The following PAK4 variants were observed in gnomAD, a reference collection of about 807,000 sequenced individuals.
The protein encoded by PAK4 is p21 (RAC1) activated kinase 4.
In PAK4, 49 loss-of-function variants were observed where a neutral mutation model predicts 53.5. That is an observed-to-expected ratio of 0.92 (90% CI 0.73 to 1.16). PAK4 has a LOEUF of 1.16. Ranked by LOEUF, PAK4 falls within the 50% of genes most tolerant of loss-of-function variation. The pLI, the probability that PAK4 is intolerant of heterozygous loss-of-function variation, is 0.00. For missense variants in PAK4, 824 were observed against 850.7 expected (o/e 0.97, Z 0.39); for synonymous variants, 376 against 375.6 (o/e 1.00, Z -0.01).
chr19:39,138,005 A>G (rs544234981), intron 1 of PAK4, among the ~76,000 whole-genome samples: 69 of 142,844 alleles, frequency 4.8e-4, no homozygotes, highest in African/African-American at 1.7e-3. Flanking sequence ...TTTTTGAGAC[A>G]GGGTCTTGCT....
intron 1 of PAK4, among the ~76,000 whole-genome samples, chr19:39,131,935 T>G (rs935930648): frequency 6.6e-6 from 1 of 152,188 alleles, no homozygotes; most frequent in African/African-American, 2.4e-5. Context: ...AGATCATGTG[T>G]GTGCGTCGTG....
In PAK4 at chr19:39,178,738, C is replaced by G. The variant is rs1353936621; in HGVS notation, c.*159C>G. 1.7e-6 allele frequency: 1 copy of G among 591,670 alleles called. No individual in the cohort carries two copies. The highest frequency in any genetic ancestry group is 2.9e-6 in the Non-Finnish European group (1 of 349,438). The allele number at this position is 591,670 out of a possible 1,614,324, so 36.7% of individuals were successfully genotyped here. A position where few individuals can be genotyped will look rare whatever the true frequency, so the allele number is the denominator to read the frequency against. On this transcript the variant is annotated 3_prime_UTR_variant, in exon 9 of 9. Coordinates refer to ENST00000358301, the Ensembl canonical transcript of PAK4. The surrounding 1 kb of genome is among the most constrained non-coding windows in gnomAD (Gnocchi z 4.4). ...GTAGATGAGACCCTACTACTGAACTCCAGTTTTGATCTCGTGACTTTTAGA... is the reference window on the plus strand; with the variant it reads ...GTAGATGAGACCCTACTACTGAACTGCAGTTTTGATCTCGTGACTTTTAGA...
chr19:39,176,458 G>C, intron 6 of PAK4, 132 bp from the exon 8 acceptor site: 1 of 1,248,470 alleles, frequency 8.0e-7, no homozygotes, highest in South Asian at 1.3e-5. Flanking sequence ...CCCCAGCTCT[G>C]ACCCTAGACC....
chr19:39,169,329 C>T (rs1057289842), intron 1 of PAK4, among the ~76,000 whole-genome samples: 2 of 152,026 alleles, frequency 1.3e-5, no homozygotes, highest in African/African-American at 2.4e-5. Flanking sequence ...AGCAGAGGGA[C>T]GTGACCGCTC....
intron 1 of PAK4, among the ~76,000 whole-genome samples, chr19:39,158,157 A>G (rs547097493): frequency 3.4e-5 from 5 of 148,724 alleles, no homozygotes; most frequent in African/African-American, 1.3e-4. Flanking sequence ...GTGTGTGCAC[A>G]TGTGTGCATG....
At chr19:39,126,776 T>C (rs926787715) in intron 1 of PAK4, among the ~76,000 whole-genome samples, 1 of 151,790 alleles carries the variant, frequency 6.6e-6, no homozygotes, top group Non-Finnish European at 1.5e-5. Flanking sequence ...GCTCACACTG[T>C]GCTCCACGCC....
At chr19:39,165,556 T>TAAATAAATAAAAAA in intron 1 of PAK4, among the ~76,000 whole-genome samples, 1 of 124,088 alleles carries the variant, frequency 8.1e-6, no homozygotes, top group East Asian at 2.8e-4. Flanking sequence ...ATAAATAAAA[T>TAAATAAATAAAAAA]AATAATAGAC....
chr19:39,160,929 G>A (rs1257022811), intron 1 of PAK4, among the ~76,000 whole-genome samples: 1 of 152,244 alleles, frequency 6.6e-6, no homozygotes, highest in Non-Finnish European at 1.5e-5. Context: ...GGACCACTGG[G>A]GAACAGGAGG....
intron 1 of PAK4, among the ~76,000 whole-genome samples, chr19:39,160,831 G>T (rs2074272429): frequency 1.3e-5 from 2 of 152,374 alleles, no homozygotes; most frequent in Admixed American, 1.3e-4. Context: ...TCTTGGTCTG[G>T]TCATTGTCAG....
chr19:39,133,743 G>T (rs2073757284), intron 1 of PAK4, among the ~76,000 whole-genome samples: 1 of 152,094 alleles, frequency 6.6e-6, no homozygotes, highest in South Asian at 2.1e-4. Flanking sequence ...CCCTGCTCCT[G>T]CCACCTGTCC....
At chr19:39,165,632 G>A (rs937908645) in intron 1 of PAK4, among the ~76,000 whole-genome samples, 1 of 152,224 alleles carries the variant, frequency 6.6e-6, no homozygotes, top group Non-Finnish European at 1.5e-5. Context: ...CCAGCCTTCA[G>A]TGCCTTCCAT....
At chr19:39,174,707 G>A (rs2074565963) in intron 4 of PAK4, among the ~76,000 whole-genome samples, 2 of 152,200 alleles carry the variant, frequency 1.3e-5, no homozygotes, top group East Asian at 3.9e-4. Flanking sequence ...ACTGACCTGA[G>A]ATGGGCGTGT....
intron 1 of PAK4, among the ~76,000 whole-genome samples, chr19:39,154,763 C>T (rs1471610516): frequency 6.6e-6 from 1 of 152,168 alleles, no homozygotes; most frequent in African/African-American, 2.4e-5. Context: ...AGCTGCCCCA[C>T]GTGGCTCCTC....
chr19:39,152,617 C>T (rs2074111159), intron 1 of PAK4, among the ~76,000 whole-genome samples: 1 of 152,166 alleles, frequency 6.6e-6, no homozygotes, highest in Non-Finnish European at 1.5e-5. Context: ...AGAATTTGTG[C>T]TGGGTTTACT....
chr19:39,164,185 G>C (rs1320378768), intron 1 of PAK4, among the ~76,000 whole-genome samples: 1 of 150,984 alleles, frequency 6.6e-6, no homozygotes, highest in Middle Eastern at 3.2e-3. Flanking sequence ...GCTGAGGCAG[G>C]AGAAGCACAT....
In PAK4 at chr19:39,178,530, G is replaced by A; in HGVS notation, c.1727G>A (p.Gly576Glu). 1 of 1,611,112 alleles carries A rather than the reference G, an allele frequency of 6.2e-7. No homozygotes were observed. The highest frequency in any genetic ancestry group is 8.5e-7 in the Non-Finnish European group (1 of 1,179,108). ...AAGCACCCATTCCTGGCCAAGGCAGGGCCGCCTGCCAGCATCGTGCCCCTC... is the reference window on the plus strand; with the variant it reads ...AAGCACCCATTCCTGGCCAAGGCAGAGCCGCCTGCCAGCATCGTGCCCCTC... The change falls in exon 9 of 9, where the codon GGG becomes GAG. Residue 576 changes from glycine to glutamate, a missense_variant. This residue lies in a region of PAK4 where 346 missense variants were observed against 415.0 expected (regional missense o/e 0.83). Coordinates refer to ENST00000358301, the Ensembl canonical transcript of PAK4. This position sits in a 1 kb window ranked among gnomAD's most constrained non-coding sequence, Gnocchi z 4.4.
chr19:39,177,887 G>A, intron 8 of PAK4, 78 bp downstream of exon 9: 2 of 1,498,202 alleles, frequency 1.3e-6, no homozygotes, highest in Admixed American at 2.0e-5. Context: ...GGGTGTGGAT[G>A]GGATGGGGAC....
chr19:39,156,127 A>G (rs1334439870), intron 1 of PAK4, among the ~76,000 whole-genome samples: 1 of 152,068 alleles, frequency 6.6e-6, no homozygotes, highest in East Asian at 1.9e-4. Flanking sequence ...CGGTCAGGCT[A>G]AGTCTCAGAT....
At chr19:39,127,389 C>T (rs550940352) in intron 1 of PAK4, among the ~76,000 whole-genome samples, 18 of 152,186 alleles carry the variant, frequency 1.2e-4, no homozygotes, top group African/African-American at 2.6e-4. Flanking sequence ...CTCTCACTGA[C>T]GGGTCGCTCA....
Sources: allele counts gnomAD v4.1 joint callset (sites outside exome capture counted in the v4.1 genomes callset), GRCh38; gene constraint gnomAD v4.1.1; regional missense constraint gnomAD v4.1.1; non-coding constraint Gnocchi (gnomAD v3.1); transcripts MANE v1.5; gene names NCBI Gene and HGNC (gene_info 2026-07-23, HGNC 2026-07-21).